The following GPM6B variants were observed in gnomAD, a reference collection of about 807,000 sequenced individuals.
GPM6B encodes the protein glycoprotein M6B, also known as neuronal membrane glycoprotein M6-b.
GPM6B carries 4 observed loss-of-function variants against 27.2 expected under a neutral mutation model. The observed-to-expected ratio is 0.15, with a 90% CI of 0.07 to 0.34. The LOEUF is 0.34. Ranked by LOEUF, GPM6B falls within the 10% of genes least tolerant of loss-of-function variation. GPM6B has a pLI of 1.00. For missense variants in GPM6B, 183 were observed against 261.9 expected (o/e 0.70, Z 2.08); for synonymous variants, 124 against 103.1 (o/e 1.20, Z -1.23).
At chrX:13,886,514 T>C (rs1045235222) in intron 1 of GPM6B, among the ~76,000 whole-genome samples, 1 of 107,980 alleles carries the variant, frequency 9.3e-6, no homozygotes, top group African/African-American at 3.4e-5. Context: ...AGTCCCTATA[T>C]AATCCCAGTC....
chrX:13,904,834 G>A (rs1042306954), intron 1 of GPM6B, among the ~76,000 whole-genome samples: 3 of 110,604 alleles, frequency 2.7e-5, no homozygotes, highest in African/African-American at 9.9e-5. Context: ...TCCTCTAGGT[G>A]TCCTGAACTC....
At chrX:13,871,836 T>C (rs1603100194) in intron 1 of GPM6B, among the ~76,000 whole-genome samples, 1 of 112,026 alleles carries the variant, frequency 8.9e-6, no homozygotes, top group East Asian at 2.8e-4. Context: ...AAAGAGCTGC[T>C]GGGAAGTGCT....
intron 2 of GPM6B, among the ~76,000 whole-genome samples, chrX:13,798,615 C>T (rs1296594125): frequency 1.8e-5 from 2 of 112,738 alleles, no homozygotes; most frequent in African/African-American, 3.2e-5. Context: ...CTTCAGGAAA[C>T]ACCGATACAT....
intron 1 of GPM6B, among the ~76,000 whole-genome samples, chrX:13,854,221 G>A (rs1041752416): frequency 4.5e-5 from 5 of 111,623 alleles, no homozygotes; most frequent in African/African-American, 1.3e-4. Flanking sequence ...GCAGGGAAGT[G>A]TGCCTGGCAT....
intron 1 of GPM6B, among the ~76,000 whole-genome samples, chrX:13,881,009 A>G (rs776336741): frequency 1.8e-5 from 2 of 111,623 alleles, no homozygotes; most frequent in Non-Finnish European, 3.8e-5. Context: ...TGGTCATGTT[A>G]ACCTGTTCTA....
intron 1 of GPM6B, among the ~76,000 whole-genome samples, chrX:13,905,045 G>A (rs961383927): frequency 1.9e-5 from 2 of 107,605 alleles, no homozygotes; most frequent in African/African-American, 6.8e-5. Flanking sequence ...GACCAGCCTG[G>A]GCAACATGGC....
chrX:13,779,587 C>T (rs1016481370), intron 5 of GPM6B, among the ~76,000 whole-genome samples: 1 of 111,781 alleles, frequency 8.9e-6, no homozygotes, highest in Non-Finnish European at 1.9e-5. Flanking sequence ...TCTTTCACTA[C>T]ACACTTAACA....
chrX:13,788,685 C>T (rs971738829), intron 2 of GPM6B, among the ~76,000 whole-genome samples: 2 of 110,233 alleles, frequency 1.8e-5, no homozygotes, highest in African/African-American at 6.6e-5. Flanking sequence ...ACAGTTGCCA[C>T]TTCAAACGGT....
intron 1 of GPM6B, among the ~76,000 whole-genome samples, chrX:13,881,014 G>A (rs1399804188): frequency 9.0e-6 from 1 of 111,545 alleles, no homozygotes; most frequent in Non-Finnish European, 1.9e-5. Context: ...ATGTTAACCT[G>A]TTCTAGAGAC....
chrX:13,797,407 T>C (rs1476532384), intron 2 of GPM6B, among the ~76,000 whole-genome samples: 1 of 111,324 alleles, frequency 9.0e-6, no homozygotes, highest in Non-Finnish European at 1.9e-5. Flanking sequence ...GAAGAGGCCT[T>C]GAAGAACAGA....
intron 1 of GPM6B, among the ~76,000 whole-genome samples, chrX:13,854,277 T>A (rs1259630796): frequency 2.7e-5 from 3 of 111,854 alleles, no homozygotes; most frequent in Admixed American, 1.9e-4. Context: ...TCAAGCTGCT[T>A]CTTTTAAAAA....
intron 1 of GPM6B, among the ~76,000 whole-genome samples, chrX:13,861,057 TATACACATACATATATATAC>T (rs2049843400): frequency 9.3e-6 from 1 of 107,127 alleles, no homozygotes; most frequent in Non-Finnish European, 1.9e-5. Flanking sequence ...TATACATATA[TATACACATACATATATATAC>T]ATATACACAC....
intron 2 of GPM6B, among the ~76,000 whole-genome samples, chrX:13,793,539 C>G (rs1408877168): frequency 1.8e-5 from 2 of 112,181 alleles, no homozygotes; most frequent in African/African-American, 6.5e-5. Context: ...AAACCCTGCT[C>G]TAAGGTTACA....
chrX:13,891,128 C>T (rs1317470127), intron 1 of GPM6B, among the ~76,000 whole-genome samples: 1 of 110,626 alleles, frequency 9.0e-6, no homozygotes, highest in Non-Finnish European at 1.9e-5. Flanking sequence ...TTTGCCATTA[C>T]TTTCAAAAAA....
chrX:13,815,940 C>T (rs968214138), intron 1 of GPM6B, among the ~76,000 whole-genome samples: 5 of 111,833 alleles, frequency 4.5e-5, no homozygotes, highest in African/African-American at 6.5e-5. Flanking sequence ...ATATTAGAGC[C>T]ACTGCGGTTA....
intron 3 of GPM6B, among the ~76,000 whole-genome samples, chrX:13,784,833 A>G (rs753320801): frequency 1.2e-4 from 13 of 111,538 alleles, no homozygotes; most frequent in Non-Finnish European, 2.5e-4. Flanking sequence ...GCTCTTCTGC[A>G]ATGGAGGATG....
chrX:13,782,657 G>A (rs1324327581), intron 4 of GPM6B, among the ~76,000 whole-genome samples: 7 of 107,359 alleles, frequency 6.5e-5, no homozygotes, highest in African/African-American at 2.4e-4. Context: ...ACAGGAGGCT[G>A]AGGCAGGAGA....
At chrX:13,845,139 G>C (rs911134909) in intron 1 of GPM6B, among the ~76,000 whole-genome samples, 15 of 110,027 alleles carry the variant, frequency 1.4e-4, no homozygotes, top group Non-Finnish European at 2.3e-4. Context: ...ACAGGCATAC[G>C]TCACCATGCC....
chrX:13,891,743 T>C (rs926230581), intron 1 of GPM6B, among the ~76,000 whole-genome samples: 4 of 111,796 alleles, frequency 3.6e-5, no homozygotes, highest in Non-Finnish European at 7.5e-5. Flanking sequence ...TAAGTCTGCT[T>C]GTCTCTAGGT....
Sources: allele counts gnomAD v4.1 joint callset (sites outside exome capture counted in the v4.1 genomes callset), GRCh38; gene constraint gnomAD v4.1.1; transcripts MANE v1.5; gene names NCBI Gene and HGNC (gene_info 2026-07-23, HGNC 2026-07-21).